The following ECHDC2 variants were observed in gnomAD, a reference collection of about 807,000 sequenced individuals.
ECHDC2 encodes enoyl-CoA hydratase domain containing 2.
A neutral mutation model predicts 40.6 loss-of-function variants in ECHDC2; 34 were observed. The ratio of observed to expected loss-of-function variants is 0.84; its 90% CI spans 0.64 to 1.11. The LOEUF is 1.11. Among genes scored for constraint, ECHDC2 ranks in the 50% most tolerant of loss-of-function variants. ECHDC2 has a pLI of 0.00. For synonymous variants in ECHDC2, 162 were observed against 166.6 expected (o/e 0.97, Z 0.21); for missense variants, 392 against 400.7 (o/e 0.98, Z 0.19).
chr1:52,896,187 G>A lies in ECHDC2; in HGVS notation c.*333C>T. The A allele has an allele frequency of 3.8e-6, 1 of 265,360 alleles. No individual in the cohort carries two copies. Among genetic ancestry groups the A allele is most frequent in the South Asian group, 5.3e-5 (1 of 18,936 alleles). 16.4% of individuals were successfully genotyped at this position (265,360 alleles called of 1,614,324 possible). On this transcript the variant is annotated 3_prime_UTR_variant, in exon 10 of 10. Coordinates refer to ENST00000371522, the MANE Select transcript of ECHDC2 (RefSeq NM_001198961.2). ...TCTCTAATGAGTGCCTGATAACTGA[G>A]AGAGGTCAGGGGCTGAGAGCCAATG...
Position 52,897,472 on chromosome 1 carries a change from A to G in ECHDC2, c.766T>C (p.Ser256Pro). The change falls in exon 9 of 10, where the codon TCT (serine) becomes CCT (proline). Residue 256 changes from serine to proline, a missense_variant. Physicochemically the swap from Ser to Pro is moderately conservative, Grantham distance 74. Coordinates refer to ENST00000371522, the MANE Select transcript of ECHDC2 (RefSeq NM_001198961.2). ...CACATCCCTTCAATGGCCATCCCAGATGCAATGTCCACCTGCAAGAAAGAC... is the reference window on the plus strand; with the variant it reads ...CACATCCCTTCAATGGCCATCCCAGGTGCAATGTCCACCTGCAAGAAAGAC... ...IDRGTEVDIASGMAIEGMCYA... is the reference protein window; with the variant it reads ...IDRGTEVDIAPGMAIEGMCYA... 1 of 1,614,210 alleles carries G rather than the reference A, an allele frequency of 6.2e-7. No individual in the cohort carries two copies.
At chr1:52,897,777 T>G in intron 8 of ECHDC2, 3 of 513,232 alleles carry the variant, frequency 5.8e-6, no homozygotes, top group Admixed American at 3.2e-5. Flanking sequence ...GCCCTGGCAA[T>G]TGCTCCAGCC....
intron 1 of ECHDC2, chr1:52,913,493 T>C (rs1345041928): frequency 6.6e-6 from 1 of 152,228 alleles, no homozygotes; most frequent in Non-Finnish European, 1.5e-5. Context: ...GTTTCTCTCC[T>C]TGCCTCAACC....
At chr1:52,906,404 T>C (rs929934213) in intron 5 of ECHDC2, 115 bp downstream of exon 5, 1 of 918,472 alleles carries the variant, frequency 1.1e-6, no homozygotes, top group African/African-American at 1.6e-5. Context: ...GCCTTAGTTT[T>C]GCTTTTGGTT....
At chr1:52,917,136 C>T (rs926956514) in intron 1 of ECHDC2, among the ~76,000 whole-genome samples, 11 of 151,674 alleles carry the variant, frequency 7.3e-5, no homozygotes, top group Admixed American at 3.9e-4. Flanking sequence ...GGCAAAGAAT[C>T]GCTTGAAACC....
chr1:52,904,894 T>A (rs1352336148), intron 6 of ECHDC2, 61 bp from the exon 7 acceptor site: 2 of 1,596,504 alleles, frequency 1.3e-6, no homozygotes, highest in Admixed American at 3.4e-5. Context: ...CAGAGAAGGC[T>A]CAGCCTGGGA....
chr1:52,907,734 CT>C (rs1648278278), intron 4 of ECHDC2, 133 bp downstream of exon 4: 12 of 742,800 alleles, frequency 1.6e-5, no homozygotes, highest in East Asian at 2.8e-5. Flanking sequence ...CTCCATCCCC[CT>C]GGGTGAGTCA....
At chr1:52,900,769 A>G (rs145577420) in intron 7 of ECHDC2, 1 of 152,356 alleles carries the variant, frequency 6.6e-6, no homozygotes, top group African/African-American at 2.4e-5. Context: ...CTAGCTGGTC[A>G]TCTTGCCTTT....
At position 52,899,172 on chromosome 1, in the gene ECHDC2, A is replaced by C. The variant is rs1571908724; in HGVS notation, c.753+2T>G. ...CCAAGTCCCAACCCAAAACCCTCTCACCTCCGTTCCTCGGTCAATGGCTAC... is the reference window on the plus strand; with the variant it reads ...CCAAGTCCCAACCCAAAACCCTCTCCCCTCCGTTCCTCGGTCAATGGCTAC... On this transcript the variant is annotated splice_donor_variant, in intron 8 of 9. Coordinates refer to ENST00000371522, the MANE Select transcript of ECHDC2 (RefSeq NM_001198961.2). LOFTEE classifies it high-confidence loss of function. The C allele has an allele frequency of 1.2e-6, 2 of 1,613,616 alleles. No individual in the cohort carries two copies. The highest frequency in any genetic ancestry group is 1.7e-6 in the Non-Finnish European group (2 of 1,179,910).
chr1:52,904,910 C>T, intron 6 of ECHDC2, 77 bp from the exon 7 acceptor site: 1 of 1,596,360 alleles, frequency 6.3e-7, no homozygotes. Flanking sequence ...TGGGACTCAG[C>T]CAAGACTTCT....
chr1:52,921,338 A>C, intron 1 of ECHDC2: 2 of 1,149,014 alleles, frequency 1.7e-6, no homozygotes, highest in Non-Finnish European at 2.3e-6. Flanking sequence ...GAAGAGACCG[A>C]GGTTGCCAGA....
Position 52,921,623 on chromosome 1 carries a change from G to A in ECHDC2, c.51C>T (p.Arg17=). 1.3e-6 allele frequency: 2 copies of A among 1,596,492 alleles called. No homozygotes were observed. Among genetic ancestry groups the A allele is most frequent in the Non-Finnish European group, 8.5e-7 (1 of 1,172,376 alleles). ...LLRPWRPLRA[R]GCASDGAAGG... Reference sequence around the variant, plus strand: ...CGGCCGCCCCGTCGGAAGCGCAGCCGCGGGCCCGAAGGGGCCTCCAGGGGC... The same window carrying A: ...CGGCCGCCCCGTCGGAAGCGCAGCCACGGGCCCGAAGGGGCCTCCAGGGGC... Residue 17 remains arginine (R), a synonymous_variant, in exon 1 of 10, where the codon CGC becomes CGT. Transcript: ENST00000371522.
At chr1:52,897,138 G>A (rs1408087964) in intron 9 of ECHDC2, 9 of 484,870 alleles carry the variant, frequency 1.9e-5, no homozygotes, top group Non-Finnish European at 3.4e-5. Context: ...GAACTTTACA[G>A]TGGCATCTGA....
At position 52,899,227 on chromosome 1, in the gene ECHDC2, A is replaced by G; in HGVS notation, c.703-3T>C. ...CCCAGCCGCACGGCAATGGGGGCCT[A>G]GGGAAAAGCAAAAAGTCTTGGTTGA... On this transcript the variant is annotated splice_polypyrimidine_tract_variant and splice_region_variant and intron_variant, in intron 7 of 9. Coordinates refer to ENST00000371522, the MANE Select transcript of ECHDC2 (RefSeq NM_001198961.2). 3 of 1,611,284 alleles carry G rather than the reference A, an allele frequency of 1.9e-6. No homozygotes were observed. Among genetic ancestry groups the G allele is most frequent in the Non-Finnish European group, 2.5e-6 (3 of 1,179,922 alleles).
intron 9 of ECHDC2, 128 bp downstream of exon 9, chr1:52,897,309 G>A (rs1475038818): frequency 3.1e-6 from 3 of 957,868 alleles, no homozygotes; most frequent in Non-Finnish European, 5.1e-6. Flanking sequence ...GACTTATGAG[G>A]GACGATGGAT....
Position 52,912,498 on chromosome 1 carries a change from G to T in ECHDC2, c.122-708C>A, listed in dbSNP as rs192867599. Among the ~76,000 whole-genome samples, 88 of 150,856 alleles carry T rather than the reference G, an allele frequency of 5.8e-4. 1 individual carries two copies. The highest frequency in any genetic ancestry group is 2.0e-3 in the African/African-American group (81 of 41,100). On this transcript the variant is annotated intron_variant, in intron 1 of 9. Coordinates refer to ENST00000371522, the MANE Select transcript of ECHDC2 (RefSeq NM_001198961.2). ...GCTGGGATTACAGGTTTGAGCCACCGCGGCCTTAATCTTTTCTTCACAGCA... is the reference window on the plus strand; with the variant it reads ...GCTGGGATTACAGGTTTGAGCCACCTCGGCCTTAATCTTTTCTTCACAGCA...
At chr1:52,896,622 T>A (rs770735670) in intron 9 of ECHDC2, 25 bp from the exon 10 acceptor site, 6 of 1,601,924 alleles carry the variant, frequency 3.7e-6, no homozygotes. Flanking sequence ...AAAATATTAG[T>A]TTTGGGGGAG....
intron 8 of ECHDC2, chr1:52,897,891 C>CTG (rs1646737560): frequency 3.7e-6 from 1 of 268,910 alleles, no homozygotes; most frequent in Non-Finnish European, 7.3e-6. Flanking sequence ...TATTCTACAG[C>CTG]TGAGAAACCT....
At chr1:52,899,252 A>G in intron 7 of ECHDC2, 28 bp from the exon 8 acceptor site, 1 of 1,612,848 alleles carries the variant, frequency 6.2e-7, no homozygotes, top group East Asian at 2.2e-5. Flanking sequence ...GTCTTGGTTG[A>G]GGAGGGCATC....
Sources: gnomAD v4.1 joint callset for allele counts (sites outside exome capture counted in the v4.1 genomes callset) on GRCh38, gnomAD v4.1.1 for gene constraint, MANE v1.5 for transcripts, NCBI Gene and HGNC (gene_info 2026-07-23, HGNC 2026-07-21) for gene names.